Variants in GALNT13 observed in about 807,000 individuals in gnomAD.
GALNT13 encodes the protein polypeptide N-acetylgalactosaminyltransferase 13, also known as UDP-GalNAc:polypeptide N-acetylgalactosaminyltransferase 13.
GALNT13 carries 28 observed loss-of-function variants against 64.2 expected under a neutral mutation model. That is an observed-to-expected ratio of 0.44 (90% CI 0.32 to 0.60). The LOEUF (loss-of-function observed/expected upper bound fraction) is 0.60. GALNT13 is among the 20% of genes least tolerant of loss of function. GALNT13 has a pLI of 0.05. For synonymous variants in GALNT13, 214 were observed against 224.6 expected, an observed-to-expected ratio of 0.95 and a Z score of 0.42; for missense variants, 577 against 669.8, an observed-to-expected ratio of 0.86 and a Z score of 1.53.
the GALNT13 span, among the ~76,000 whole-genome samples, chr2:153,669,298 CT>C: frequency 2.0e-5 from 3 of 152,294 alleles, no homozygotes; most frequent in East Asian, 5.8e-4. Context: ...TGAAACTCAC[CT>C]TCCCTACCAC....
At chr2:154,011,400 A>G (rs946407591) in intron 3 of GALNT13, among the ~76,000 whole-genome samples, 2 of 151,994 alleles carry the variant, frequency 1.3e-5, no homozygotes, top group East Asian at 1.9e-4. Flanking sequence ...AGTGATCTTC[A>G]TGGCTATTTT....
chr2:153,150,448 C>A, the GALNT13 span, among the ~76,000 whole-genome samples: 1 of 151,996 alleles, frequency 6.6e-6, no homozygotes, highest in African/African-American at 2.4e-5. Context: ...ATGGTAGTTT[C>A]TTTTGCTGTG....
the GALNT13 span, among the ~76,000 whole-genome samples, chr2:153,803,332 A>G: frequency 6.6e-6 from 1 of 152,154 alleles, no homozygotes; most frequent in Non-Finnish European, 1.5e-5. Flanking sequence ...AGTTTTTAGG[A>G]AGTAATTAAG....
At chr2:154,031,483 G>A (rs1053163684) in intron 3 of GALNT13, among the ~76,000 whole-genome samples, 2 of 151,830 alleles carry the variant, frequency 1.3e-5, no homozygotes, top group African/African-American at 4.8e-5. Flanking sequence ...GGTAACAAGA[G>A]CAAGATCCAA....
the GALNT13 span, among the ~76,000 whole-genome samples, chr2:153,233,089 G>A: frequency 2.6e-5 from 4 of 152,074 alleles, no homozygotes; most frequent in African/African-American, 9.7e-5. Context: ...CTTTTTGTTT[G>A]GCTTTTAGAG....
At chr2:153,354,166 T>G in the GALNT13 span, 1 of 152,184 alleles carries the variant, frequency 6.6e-6, no homozygotes, top group Admixed American at 6.5e-5. Flanking sequence ...TTTAATCAAT[T>G]TTTTAATGCA....
At chr2:153,232,827 C>G in the GALNT13 span, among the ~76,000 whole-genome samples, 3 of 152,206 alleles carry the variant, frequency 2.0e-5, no homozygotes, top group African/African-American at 7.2e-5. Context: ...CTCCAGGAGA[C>G]TCTTCTCAAC....
At chr2:153,520,015 ATC>A in the GALNT13 span, among the ~76,000 whole-genome samples, 1 of 152,074 alleles carries the variant, frequency 6.6e-6, no homozygotes, top group Non-Finnish European at 1.5e-5. Flanking sequence ...TCCATCTTTA[ATC>A]TCTCTCCCTG....
the GALNT13 span, among the ~76,000 whole-genome samples, chr2:153,120,742 A>T: frequency 6.6e-6 from 1 of 152,246 alleles, no homozygotes; most frequent in East Asian, 1.9e-4. Flanking sequence ...AGAAGCTTGG[A>T]GTTAGAGCCA....
chr2:153,162,322 T>G, the GALNT13 span, among the ~76,000 whole-genome samples: 1 of 152,230 alleles, frequency 6.6e-6, no homozygotes, highest in Non-Finnish European at 1.5e-5. Flanking sequence ...AATGTTACCT[T>G]TTGGTCTTTT....
chr2:154,050,459 G>A (rs1482625591), intron 3 of GALNT13, among the ~76,000 whole-genome samples: 1 of 152,102 alleles, frequency 6.6e-6, no homozygotes, highest in Non-Finnish European at 1.5e-5. Flanking sequence ...TTCTTATTAT[G>A]ATGTATAATT....
intron 3 of GALNT13, among the ~76,000 whole-genome samples, chr2:154,048,248 A>G (rs1212850488): frequency 3.3e-5 from 5 of 152,146 alleles, no homozygotes; most frequent in Non-Finnish European, 5.9e-5. Context: ...TTGGACCTCC[A>G]TGATCCAGTC....
At chr2:153,076,877 C>T in the GALNT13 span, among the ~76,000 whole-genome samples, 3 of 151,526 alleles carry the variant, frequency 2.0e-5, no homozygotes, top group Non-Finnish European at 4.4e-5. Context: ...CTTCATAGTT[C>T]TTTTTCAGGG....
At chr2:153,646,601 A>G in the GALNT13 span, among the ~76,000 whole-genome samples, 3 of 151,748 alleles carry the variant, frequency 2.0e-5, no homozygotes, top group Non-Finnish European at 4.4e-5. Context: ...TCCTAATGCT[A>G]TCTCTCCCCC....
chr2:153,436,191 G>A, the GALNT13 span, among the ~76,000 whole-genome samples: 8 of 152,140 alleles, frequency 5.3e-5, no homozygotes, highest in African/African-American at 1.9e-4. Context: ...CGTGATCATG[G>A]TAGATAAGCT....
the GALNT13 span, among the ~76,000 whole-genome samples, chr2:153,843,604 C>T: frequency 2.0e-5 from 3 of 152,154 alleles, no homozygotes; most frequent in Non-Finnish European, 2.9e-5. Context: ...CAATAGTCAC[C>T]CAAACTCTTA....
At chr2:153,270,063 G>C in the GALNT13 span, among the ~76,000 whole-genome samples, 1 of 152,182 alleles carries the variant, frequency 6.6e-6, no homozygotes, top group African/African-American at 2.4e-5. Context: ...TGTGTCTCTG[G>C]AGAAGAACCT....
intron 3 of GALNT13, among the ~76,000 whole-genome samples, chr2:153,980,998 T>A (rs779588781): frequency 7.2e-5 from 11 of 152,162 alleles, no homozygotes; most frequent in Non-Finnish European, 1.6e-4. Context: ...ATTTAAAAAA[T>A]TTTAAAATAT....
At chr2:153,170,722 A>C in the GALNT13 span, among the ~76,000 whole-genome samples, 1 of 152,212 alleles carries the variant, frequency 6.6e-6, no homozygotes, top group Admixed American at 6.5e-5. Context: ...ATTATCTAAC[A>C]AATGTTACCT....
Sources: gnomAD v4.1 joint callset for allele counts (sites outside exome capture counted in the v4.1 genomes callset) on GRCh38, gnomAD v4.1.1 for gene constraint, MANE v1.5 for transcripts, NCBI Gene and HGNC (gene_info 2026-07-23, HGNC 2026-07-21) for gene names.